OLA1: variants seen among roughly 807,000 people sequenced by gnomAD.
OLA1 encodes the protein Obg like ATPase 1.
Under a neutral mutation model 48.4 loss-of-function variants are expected in OLA1, and 14 were observed. The observed-to-expected ratio is 0.29, with a 90% CI of 0.19 to 0.45. The LOEUF is 0.45. Among genes scored for constraint, OLA1 ranks in the 20% least tolerant of loss-of-function variants. The pLI is 1.00. For synonymous variants in OLA1, 127 were observed against 150.4 expected (o/e 0.84, Z 1.14); for missense variants, 325 against 467.1 (o/e 0.70, Z 2.80).
chr2:174,152,752 T>C (rs2165212), intron 4 of OLA1, among the ~76,000 whole-genome samples: 80,814 of 152,030 alleles, frequency 0.53, 22,070 homozygotes, highest in East Asian at 0.95. Flanking sequence ...ATAACTGGAA[T>C]TGGTGGGTTG....
chr2:174,210,337 T>C (rs1688213867), intron 4 of OLA1, among the ~76,000 whole-genome samples: 1 of 152,114 alleles, frequency 6.6e-6, no homozygotes, highest in African/African-American at 2.4e-5. Flanking sequence ...GGGGCAAACA[T>C]GATATTTTAT....
rs185128033 is a variant in OLA1, at chr2:174,234,369, G to A, written c.102-4918C>T. 5.0e-3 allele frequency among the ~76,000 whole-genome samples: 764 copies of A among 152,272 alleles called. 4 individuals are homozygous for A. Among genetic ancestry groups the A allele is most frequent in the Non-Finnish European group, 7.0e-3 (473 of 68,022 alleles). ...AGTTGGTTATTAGTAGTTAAGTTTTGGGGGAATCAAAAATTACACACAAAT... is the reference window on the plus strand; with the variant it reads ...AGTTGGTTATTAGTAGTTAAGTTTTAGGGGAATCAAAAATTACACACAAAT... On this transcript the variant is annotated intron_variant, in intron 2 of 10. Coordinates refer to ENST00000284719, the MANE Select transcript of OLA1 (RefSeq NM_013341.5).
At chr2:174,246,859 C>A in intron 1 of OLA1, 44 bp from the exon 2 acceptor site, 1 of 1,126,638 alleles carries the variant, frequency 8.9e-7, no homozygotes, top group Non-Finnish European at 1.3e-6. Context: ...TTTTACTATC[C>A]ACATGGACCC....
intron 4 of OLA1, among the ~76,000 whole-genome samples, chr2:174,145,373 A>G (rs1461430537): frequency 6.6e-6 from 1 of 152,086 alleles, no homozygotes; most frequent in East Asian, 1.9e-4. Flanking sequence ...TCACTAGCAC[A>G]CTTTTACCCT....
intron 4 of OLA1, among the ~76,000 whole-genome samples, chr2:174,195,124 A>T (rs1054812630): frequency 6.6e-6 from 1 of 152,160 alleles, no homozygotes; most frequent in South Asian, 2.1e-4. Context: ...ATATTTCCTC[A>T]GGTAAGACAT....
chr2:174,160,547 T>C (rs16862442), intron 4 of OLA1, among the ~76,000 whole-genome samples: 16,770 of 152,200 alleles, frequency 0.11, 2,172 homozygotes, highest in East Asian at 0.71. Context: ...TCTTTAAAGA[T>C]GAATACTTCC....
intron 4 of OLA1, among the ~76,000 whole-genome samples, chr2:174,150,515 C>T (rs773045126): frequency 4.6e-5 from 7 of 152,138 alleles, no homozygotes; most frequent in Non-Finnish European, 1.0e-4. Flanking sequence ...CTAGAGTTTT[C>T]TTGGGAATAA....
intron 7 of OLA1, among the ~76,000 whole-genome samples, chr2:174,122,245 C>T (rs1252342721): frequency 6.6e-6 from 1 of 152,092 alleles, no homozygotes; most frequent in Non-Finnish European, 1.5e-5. Context: ...AGTAATTTCA[C>T]AGAATTTATT....
At chr2:174,219,270 T>C (rs1436869637) in intron 4 of OLA1, among the ~76,000 whole-genome samples, 5 of 148,560 alleles carry the variant, frequency 3.4e-5, no homozygotes, top group Non-Finnish European at 5.9e-5. Flanking sequence ...AGCAAGACCC[T>C]GACTCTTTAA....
chr2:174,163,757 TATATATATATA>T (rs1687084350), intron 4 of OLA1, among the ~76,000 whole-genome samples: 2 of 40,276 alleles, frequency 5.0e-5, no homozygotes, highest in African/African-American at 1.0e-4. Context: ...TATATATATA[TATATATATATA>T]TATATATAAA....
intron 4 of OLA1, among the ~76,000 whole-genome samples, chr2:174,216,131 C>CAA (rs113610183): frequency 2.6e-4 from 39 of 150,202 alleles, no homozygotes; most frequent in African/African-American, 9.3e-4. Flanking sequence ...CCTGTATCTA[C>CAA]AAAAAAAAAC....
chr2:174,102,992 GGAA>G (rs1359467250), intron 7 of OLA1, among the ~76,000 whole-genome samples: 4 of 152,102 alleles, frequency 2.6e-5, no homozygotes, highest in African/African-American at 9.7e-5. Context: ...CCACTTTCAA[GGAA>G]GAAGGAGAGA....
intron 4 of OLA1, among the ~76,000 whole-genome samples, chr2:174,191,588 G>A (rs892302483): frequency 1.6e-4 from 25 of 151,974 alleles, no homozygotes; most frequent in Admixed American, 4.6e-4. Context: ...CTGAGTAGCT[G>A]GGACTAGAGG....
chr2:174,133,447 G>A (rs948120323), intron 5 of OLA1, among the ~76,000 whole-genome samples: 1 of 152,144 alleles, frequency 6.6e-6, no homozygotes, highest in Non-Finnish European at 1.5e-5. Context: ...TGCAACCTCC[G>A]CCTCTCAGGT....
intron 7 of OLA1, among the ~76,000 whole-genome samples, chr2:174,098,392 A>G (rs561438808): frequency 6.8e-4 from 103 of 152,350 alleles, no homozygotes; most frequent in African/African-American, 2.4e-3. Context: ...GAATATTCTG[A>G]CATGAGAAAA....
chr2:174,219,996 G>A (rs1688464011), intron 4 of OLA1, among the ~76,000 whole-genome samples: 1 of 152,098 alleles, frequency 6.6e-6, no homozygotes. Context: ...GCCTGGTGTG[G>A]TGGTGTGCCT....
At chr2:174,102,509 G>C (rs1474769557) in intron 7 of OLA1, among the ~76,000 whole-genome samples, 1 of 151,686 alleles carries the variant, frequency 6.6e-6, no homozygotes, top group Non-Finnish European at 1.5e-5. Flanking sequence ...GAGAGAAAGA[G>C]ACAGAAAGAG....
intron 4 of OLA1, among the ~76,000 whole-genome samples, chr2:174,160,985 T>C (rs1028182670): frequency 6.6e-6 from 1 of 152,192 alleles, no homozygotes; most frequent in African/African-American, 2.4e-5. Context: ...AAAAATAATA[T>C]GTATAAATGT....
At chr2:174,182,021 T>G (rs190445584) in intron 4 of OLA1, among the ~76,000 whole-genome samples, 1 of 152,312 alleles carries the variant, frequency 6.6e-6, no homozygotes, top group Admixed American at 6.5e-5. Context: ...AGGGAGGTAA[T>G]TCTTTTCTGA....
Sources: gnomAD v4.1 joint callset for allele counts (sites outside exome capture counted in the v4.1 genomes callset) on GRCh38, gnomAD v4.1.1 for gene constraint, MANE v1.5 for transcripts, NCBI Gene and HGNC (gene_info 2026-07-23, HGNC 2026-07-21) for gene names.